The following SCEL variants were observed in gnomAD, a reference collection of about 807,000 sequenced individuals.
The protein encoded by SCEL is sciellin.
SCEL carries 113 observed loss-of-function variants against 117.6 expected under a neutral mutation model. The ratio of observed to expected loss-of-function variants is 0.96; its 90% confidence interval spans 0.83 to 1.12. SCEL has a LOEUF of 1.12. Ranked by LOEUF, SCEL falls within the 50% of genes most tolerant of loss-of-function variation. SCEL has a pLI of 0.00. For missense variants in SCEL, 785 were observed against 810.8 expected, an observed-to-expected ratio of 0.97 and a Z score of 0.39; for synonymous variants, 270 against 256.2, an observed-to-expected ratio of 1.05 and a Z score of -0.51.
rs186113393 is a variant in SCEL, at chr13:77,600,021, C to A, written c.917+273C>A. On this transcript the variant is annotated intron_variant, in intron 15 of 32. Coordinates refer to ENST00000349847, the MANE Select transcript of SCEL (RefSeq NM_144777.3). ...ATGATCTCCCAGTTCCCCTTCATAT[C>A]TAAAATGGAAAGAAACACAACTAGC... 10 of 395,230 alleles carry A rather than the reference C, an allele frequency of 2.5e-5. No individual in the cohort carries two copies. The East Asian group carries it at 4.1e-4, about 16-fold the overall frequency. 24.5% of individuals were successfully genotyped at this position (395,230 alleles called of 1,614,324 possible). A position where few individuals can be genotyped will look rare whatever the true frequency, so the allele number is the denominator to read the frequency against.
chr13:77,536,983 T>A (rs1305955265), intron 1 of SCEL, among the ~76,000 whole-genome samples: 3 of 152,246 alleles, frequency 2.0e-5, no homozygotes, highest in African/African-American at 7.2e-5. Flanking sequence ...TGTGATTACA[T>A]TTAAAACTGT....
chr13:77,586,452 TCA>T (rs2086570513), intron 9 of SCEL, among the ~76,000 whole-genome samples: 1 of 152,124 alleles, frequency 6.6e-6, no homozygotes. Flanking sequence ...ACCAGTTTTT[TCA>T]CAGTCCCCAC....
intron 8 of SCEL, among the ~76,000 whole-genome samples, chr13:77,570,988 C>T (rs950355816): frequency 4.0e-5 from 6 of 151,656 alleles, no homozygotes; most frequent in East Asian, 3.9e-4. Flanking sequence ...CATGCCACCA[C>T]GACCAGCTAA....
At chr13:77,589,298 G>C in intron 10 of SCEL, 74 bp downstream of exon 10, 1 of 1,090,410 alleles carries the variant, frequency 9.2e-7, no homozygotes, top group Non-Finnish European at 1.4e-6. Flanking sequence ...ACTGTGACCC[G>C]CTGTGGGCAA....
chr13:77,545,548 G>A (rs756366252), intron 1 of SCEL, among the ~76,000 whole-genome samples: 3 of 152,168 alleles, frequency 2.0e-5, no homozygotes, highest in Non-Finnish European at 2.9e-5. Context: ...ATAAAGTACT[G>A]TTTTATATCC....
chr13:77,561,584 C>G (rs922216739), intron 4 of SCEL, among the ~76,000 whole-genome samples: 2 of 152,222 alleles, frequency 1.3e-5, no homozygotes, highest in Non-Finnish European at 2.9e-5. Context: ...CACTGAACAG[C>G]CACTTTGGAG....
At chr13:77,560,636 G>GACAAAT (rs2084927452) in intron 4 of SCEL, among the ~76,000 whole-genome samples, 1 of 152,158 alleles carries the variant, frequency 6.6e-6, no homozygotes, top group Admixed American at 6.5e-5. Context: ...AAGCAAATTA[G>GACAAAT]TAGAAAAATT....
At chr13:77,580,317 C>A (rs996457871) in intron 9 of SCEL, among the ~76,000 whole-genome samples, 3 of 152,164 alleles carry the variant, frequency 2.0e-5, no homozygotes, top group Admixed American at 1.3e-4. Context: ...TGTCAGCAGT[C>A]ACTTGGGGAT....
chr13:77,569,464 C>T lies in SCEL; in HGVS notation c.479+13C>T. The T allele has an allele frequency of 6.3e-7, 1 of 1,590,138 alleles. No homozygotes were observed. Among genetic ancestry groups the T allele is most frequent in the Admixed American group, 1.7e-5 (1 of 59,940 alleles). ...TAAAGAAGAAGAGGTAGGATGAACTCACTGTGTCTACCTCTTGCTGATACA... is the reference window on the plus strand; with the variant it reads ...TAAAGAAGAAGAGGTAGGATGAACTTACTGTGTCTACCTCTTGCTGATACA... On this transcript the variant is annotated intron_variant, in intron 8 of 32. Coordinates refer to ENST00000349847, the MANE Select transcript of SCEL (RefSeq NM_144777.3).
chr13:77,538,057 G>A (rs2083497741), intron 1 of SCEL, among the ~76,000 whole-genome samples: 1 of 150,664 alleles, frequency 6.6e-6, no homozygotes, highest in Admixed American at 6.6e-5. Context: ...AAGATTTTAG[G>A]TATTAATTGC....
chr13:77,599,423 C>T (rs373724511), intron 14 of SCEL, 35 bp downstream of exon 14: 9 of 1,549,978 alleles, frequency 5.8e-6, no homozygotes, highest in Non-Finnish European at 7.1e-6. Flanking sequence ...AAAATCTTAC[C>T]TTGCAGATTG....
Position 77,589,123 on chromosome 13 carries a change from CT to C in SCEL, c.546-20del. On this transcript the variant is annotated intron_variant, in intron 9 of 32. Coordinates refer to ENST00000349847, the MANE Select transcript of SCEL (RefSeq NM_144777.3). ...TACCATGTTTCCATGGTGAAATGAA[CT>C]GCTGTTTTCTGTTTTAAAGGGAACC... 1 of 1,561,606 alleles carries C rather than the reference CT, an allele frequency of 6.4e-7. No individual in the cohort carries two copies. The highest frequency in any genetic ancestry group is 8.8e-7 in the Non-Finnish European group (1 of 1,135,430).
At chr13:77,598,709 G>T (rs918877054) in intron 13 of SCEL, among the ~76,000 whole-genome samples, 1 of 152,142 alleles carries the variant, frequency 6.6e-6, no homozygotes, top group Admixed American at 6.5e-5. Context: ...TAGAGACAGG[G>T]TCTCGCTCTG....
At chr13:77,631,414 A>T (rs2090014683) in intron 28 of SCEL, among the ~76,000 whole-genome samples, 1 of 152,260 alleles carries the variant, frequency 6.6e-6, no homozygotes, top group South Asian at 2.1e-4. Context: ...TGTAGATATG[A>T]TATCCTGGAT....
chr13:77,630,046 G>T (rs192835502), intron 28 of SCEL, among the ~76,000 whole-genome samples: 1 of 152,290 alleles, frequency 6.6e-6, no homozygotes, highest in African/African-American at 2.4e-5. Flanking sequence ...TTTTATGGCT[G>T]GCTTTGGGGA....
intron 30 of SCEL, among the ~76,000 whole-genome samples, chr13:77,639,301 G>T (rs1017923950): frequency 2.6e-4 from 39 of 152,248 alleles, no homozygotes; most frequent in Admixed American, 1.2e-3. Flanking sequence ...TTGCTAGGTA[G>T]CTATAAGCAA....
chr13:77,541,420 C>A (rs930465419), intron 1 of SCEL, among the ~76,000 whole-genome samples: 2 of 152,030 alleles, frequency 1.3e-5, no homozygotes, highest in African/African-American at 4.8e-5. Context: ...AGAAACTCGA[C>A]AATAGGGATC....
At chr13:77,595,760 AT>A (rs1261020518) in intron 12 of SCEL, among the ~76,000 whole-genome samples, 32 of 148,720 alleles carry the variant, frequency 2.2e-4, no homozygotes, top group Admixed American at 2.1e-3. Context: ...TAGAGCATTA[AT>A]TTTTTTGTTG....
At chr13:77,562,031 A>G (rs530612543) in intron 4 of SCEL, among the ~76,000 whole-genome samples, 4 of 152,330 alleles carry the variant, frequency 2.6e-5, no homozygotes, top group South Asian at 4.1e-4. Flanking sequence ...GACCATGTAC[A>G]TGTTCTGGTA....
Sources: gnomAD v4.1 joint callset for allele counts (sites outside exome capture counted in the v4.1 genomes callset) on GRCh38, gnomAD v4.1.1 for gene constraint, MANE v1.5 for transcripts, NCBI Gene and HGNC (gene_info 2026-07-23, HGNC 2026-07-21) for gene names.